Variants in GALNT17 observed in about 807,000 individuals in gnomAD.
The protein encoded by GALNT17 is UDP-GalNAc:polypeptide N-acetylgalactosaminyltransferase-like 3.
A neutral mutation model predicts 63.7 loss-of-function variants in GALNT17; 29 were observed. The ratio of observed to expected loss-of-function variants is 0.46; its 90% CI spans 0.34 to 0.62. GALNT17 has a LOEUF of 0.62. GALNT17 is among the 20% of genes least tolerant of loss of function. The probability of loss-of-function intolerance (pLI) is 0.01; values close to 1 mark genes in which losing one functional copy is unlikely to be tolerated. For missense variants in GALNT17, 603 were observed against 799.6 expected (o/e 0.75, Z 2.97); for synonymous variants, 305 against 318.3 (o/e 0.96, Z 0.45).
chr7:71,300,401 T>C (rs890214223), intron 1 of GALNT17: 8 of 455,914 alleles, frequency 1.8e-5, no homozygotes, highest in Middle Eastern at 3.2e-4. Context: ...GGACTGTCTG[T>C]CTTCCCTCCT....
At position 71,377,097 on chromosome 7, in the gene GALNT17, AAAATAAAAAT is replaced by A. The variant is rs1398092547; in HGVS notation, c.423-11134_423-11125del. On this transcript the variant is annotated intron_variant, in intron 2 of 10. Coordinates refer to ENST00000333538, the MANE Select transcript of GALNT17 (RefSeq NM_022479.3). ...CGATATTCCATCTCAAAAAAAAAAA[AAAATAAAAAT>A]AAAAAAAATATATATATATATATAT... 2.3e-4 allele frequency among the ~76,000 whole-genome samples: 15 copies of A among 65,264 alleles called. 1 individual carries two copies. The highest frequency in any genetic ancestry group is 2.8e-4 in the Non-Finnish European group (10 of 35,874). The allele number at this position is 65,264 out of a possible 152,430, so 42.8% of individuals were successfully genotyped here.
At chr7:71,206,162 A>AAT (rs1051641251) in intron 1 of GALNT17, among the ~76,000 whole-genome samples, 2 of 147,982 alleles carry the variant, frequency 1.4e-5, no homozygotes, top group Non-Finnish European at 3.0e-5. Context: ...ATATATATAA[A>AAT]ATATATATAT....
rs962271258 is a variant in GALNT17, at chr7:71,712,020, T to G, written c.1671T>G (p.Asn557Lys). 1 of 1,613,916 alleles carries G rather than the reference T, an allele frequency of 6.2e-7. No individual in the cohort carries two copies. The highest frequency in any genetic ancestry group is 8.5e-7 in the Non-Finnish European group (1 of 1,179,894). ...SLYKRWNFIQ[N>K]GAIMNKGTGR... ...TTCTCGATTTTGCCCCCTCCCAGAA[T>G]GGAGCCATCATGAACAAGGGCACGG... Residue 557 changes from asparagine (N) to lysine (K), a missense_variant and splice_region_variant, in exon 11 of 11, where the codon AAT becomes AAG. Transcript: ENST00000333538.
chr7:71,211,732 G>A (rs1202961520), intron 1 of GALNT17, among the ~76,000 whole-genome samples: 1 of 152,182 alleles, frequency 6.6e-6, no homozygotes, highest in African/African-American at 2.4e-5. Flanking sequence ...AGGAACTTGG[G>A]AACTGGAGTA....
At chr7:71,471,965 A>G (rs1460779174) in intron 5 of GALNT17, among the ~76,000 whole-genome samples, 3 of 150,694 alleles carry the variant, frequency 2.0e-5, no homozygotes, top group African/African-American at 7.3e-5. Context: ...TATCTTACTC[A>G]TTTTGGGCTG....
chr7:71,659,167 A>C (rs11769216), intron 6 of GALNT17, among the ~76,000 whole-genome samples: 32,439 of 152,068 alleles, frequency 0.21, 3,918 homozygotes, highest in Non-Finnish European at 0.27. Context: ...ATTTTCCACT[A>C]TTCTCCTCTC....
chr7:71,595,377 C>T (rs1282533127), intron 6 of GALNT17, among the ~76,000 whole-genome samples: 2 of 151,170 alleles, frequency 1.3e-5, no homozygotes, highest in African/African-American at 4.9e-5. Flanking sequence ...CTACAGTGAC[C>T]TATGATGGTG....
chr7:71,292,185 A>G (rs1467564324), intron 1 of GALNT17, among the ~76,000 whole-genome samples: 1 of 152,210 alleles, frequency 6.6e-6, no homozygotes, highest in African/African-American at 2.4e-5. Context: ...TAACAAGTCT[A>G]GAAAGCATTC....
intron 2 of GALNT17, among the ~76,000 whole-genome samples, chr7:71,344,476 C>G (rs1312583301): frequency 6.6e-6 from 1 of 152,078 alleles, no homozygotes; most frequent in Non-Finnish European, 1.5e-5. Context: ...GCCTCATGTT[C>G]TAGCCCTGGG....
intron 1 of GALNT17, among the ~76,000 whole-genome samples, chr7:71,189,469 G>A (rs534751985): frequency 5.8e-4 from 88 of 152,274 alleles, no homozygotes; most frequent in African/African-American, 1.9e-3. Flanking sequence ...ATGTGTAGGC[G>A]TCAGAGGGAT....
At chr7:71,592,347 C>T (rs910195205) in intron 6 of GALNT17, among the ~76,000 whole-genome samples, 83 of 151,878 alleles carry the variant, frequency 5.5e-4, no homozygotes, top group African/African-American at 1.6e-3. Flanking sequence ...GGTGGGCTGG[C>T]TGCCAGCTGT....
At chr7:71,697,342 A>C (rs1194772143) in intron 9 of GALNT17, among the ~76,000 whole-genome samples, 1 of 152,148 alleles carries the variant, frequency 6.6e-6, no homozygotes, top group Non-Finnish European at 1.5e-5. Flanking sequence ...AATAGTAAGA[A>C]TATTCGGGTC....
At chr7:71,580,618 A>G (rs527996731) in intron 6 of GALNT17, among the ~76,000 whole-genome samples, 11 of 152,250 alleles carry the variant, frequency 7.2e-5, no homozygotes, top group Non-Finnish European at 1.2e-4. Flanking sequence ...GGCTTGACCT[A>G]TATGGTTGTG....
At chr7:71,497,142 A>T (rs1166123119) in intron 5 of GALNT17, among the ~76,000 whole-genome samples, 1 of 152,082 alleles carries the variant, frequency 6.6e-6, no homozygotes, top group Non-Finnish European at 1.5e-5. Flanking sequence ...AGGGAGGGAG[A>T]TGTGGGTCCT....
In GALNT17 at chr7:71,390,667, C is replaced by T. The variant is rs532939041; in HGVS notation, c.589+2266C>T. 3.3e-5 allele frequency among the ~76,000 whole-genome samples: 5 copies of T among 152,270 alleles called. No individual in the cohort carries two copies. The South Asian group carries it at 1.0e-3, about 32-fold the overall frequency. ...TGCTCCAGCAGTCCTTCCACACACC[C>T]CTGCATATTTTCCCCAGGCCAGAAA... On this transcript the variant is annotated intron_variant, in intron 3 of 10. Coordinates refer to ENST00000333538, the MANE Select transcript of GALNT17 (RefSeq NM_022479.3).
chr7:71,146,509 C>A (rs1188021159), intron 1 of GALNT17, among the ~76,000 whole-genome samples: 1 of 152,204 alleles, frequency 6.6e-6, no homozygotes, highest in Non-Finnish European at 1.5e-5. Flanking sequence ...TTATCTCCCG[C>A]TTAGCAGTGC....
Position 71,171,806 on chromosome 7 carries a change from C to T in GALNT17, c.238+38766C>T, listed in dbSNP as rs371424114. 3.7e-4 allele frequency among the ~76,000 whole-genome samples: 57 copies of T among 152,268 alleles called. No homozygotes were observed. The South Asian group carries it at 7.5e-3, about 20-fold the overall frequency. The stretch of plus-strand genomic sequence containing the variant: ...GTGATAGCTTTTCTTTAACTAACTT[C>T]GGTGATCACATTTGTAAAGAGATGG... On this transcript the variant is annotated intron_variant, in intron 1 of 10. Coordinates refer to ENST00000333538, the MANE Select transcript of GALNT17 (RefSeq NM_022479.3).
At chr7:71,141,882 G>GTA (rs1787900720) in intron 1 of GALNT17, among the ~76,000 whole-genome samples, 1 of 138,962 alleles carries the variant, frequency 7.2e-6, no homozygotes, top group African/African-American at 2.8e-5. Context: ...GTGTGTGTAT[G>GTA]TGTGTATTTT....
intron 3 of GALNT17, among the ~76,000 whole-genome samples, chr7:71,409,291 G>A (rs984689948): frequency 6.6e-6 from 1 of 152,122 alleles, no homozygotes; most frequent in African/African-American, 2.4e-5. Context: ...ATGGAGTTAG[G>A]CAGGGGGGTA....
Sources: gnomAD v4.1 joint callset for allele counts (sites outside exome capture counted in the v4.1 genomes callset) on GRCh38, gnomAD v4.1.1 for gene constraint, MANE v1.5 for transcripts, NCBI Gene and HGNC (gene_info 2026-07-23, HGNC 2026-07-21) for gene names.